IQCM: variants seen among roughly 807,000 people sequenced by gnomAD.
IQCM encodes the protein IQ domain-containing protein M.
Under a neutral mutation model 57.6 loss-of-function variants are expected in IQCM, and 45 were observed. The observed-to-expected ratio is 0.78, with a 90% CI of 0.62 to 1.00. The LOEUF (loss-of-function observed/expected upper bound fraction) is 1.00. Among genes scored for constraint, IQCM ranks in the 50% least tolerant of loss-of-function variants. IQCM has a pLI of 0.00. For synonymous variants in IQCM, 148 were observed against 158.9 expected (o/e 0.93, Z 0.51); for missense variants, 468 against 511.6 (o/e 0.91, Z 0.82).
chr4:149,588,583 G>A (rs1752852423), intron 8 of IQCM, among the ~76,000 whole-genome samples: 1 of 151,714 alleles, frequency 6.6e-6, no homozygotes, highest in Non-Finnish European at 1.5e-5. Flanking sequence ...CAAAAGGGCG[G>A]GGCCTAATTC....
intron 7 of IQCM, among the ~76,000 whole-genome samples, chr4:149,680,504 G>A (rs1762102595): frequency 1.3e-5 from 2 of 151,070 alleles, no homozygotes; most frequent in Admixed American, 6.6e-5. Context: ...TGCAGAGACA[G>A]GTGCACAGAT....
At chr4:149,561,772 G>T (rs575417426) in intron 10 of IQCM, among the ~76,000 whole-genome samples, 1 of 152,044 alleles carries the variant, frequency 6.6e-6, no homozygotes, top group African/African-American at 2.4e-5. Flanking sequence ...TAAAGAGTAC[G>T]TACTTCCAAA....
chr4:149,804,592 A>T (rs1773905033), intron 2 of IQCM, among the ~76,000 whole-genome samples: 1 of 152,098 alleles, frequency 6.6e-6, no homozygotes, highest in Non-Finnish European at 1.5e-5. Context: ...CCAAGCTGAC[A>T]TGTCAGACCA....
chr4:149,645,775 C>T (rs1758581383), intron 7 of IQCM, among the ~76,000 whole-genome samples: 2 of 152,026 alleles, frequency 1.3e-5, no homozygotes, highest in African/African-American at 4.8e-5. Context: ...GCAGTAAAGA[C>T]ATCACACTCC....
chr4:149,479,899 T>C (rs1180525820), intron 12 of IQCM, among the ~76,000 whole-genome samples: 2 of 152,200 alleles, frequency 1.3e-5, no homozygotes, highest in Admixed American at 1.3e-4. Flanking sequence ...TAATGTGTCA[T>C]ATGCCCAGAC....
intron 13 of IQCM, among the ~76,000 whole-genome samples, chr4:149,431,635 T>C (rs1280182575): frequency 2.6e-5 from 4 of 151,994 alleles, no homozygotes. Context: ...TGCCTCTTTG[T>C]AGTAAAACAC....
chr4:149,487,511 C>T (rs1286347258), intron 12 of IQCM, among the ~76,000 whole-genome samples: 1 of 152,090 alleles, frequency 6.6e-6, no homozygotes, highest in Non-Finnish European at 1.5e-5. Flanking sequence ...TTTAGGAATT[C>T]CAGTCCTTGT....
At chr4:149,560,524 T>C (rs1267226382) in intron 10 of IQCM, among the ~76,000 whole-genome samples, 1 of 152,200 alleles carries the variant, frequency 6.6e-6, no homozygotes, top group East Asian at 1.9e-4. Context: ...TACCCTGTTT[T>C]GTGTCTTTAT....
chr4:149,358,935 G>T (rs1340907606), intron 13 of IQCM, among the ~76,000 whole-genome samples: 1 of 87,106 alleles, frequency 1.1e-5, no homozygotes, highest in African/African-American at 4.4e-5. Context: ...AAGAGAGAGA[G>T]ACACGGGTTG....
chr4:149,796,885 G>T (rs78024229), intron 2 of IQCM, among the ~76,000 whole-genome samples: 1 of 152,180 alleles, frequency 6.6e-6, no homozygotes, highest in African/African-American at 2.4e-5. Context: ...AGCAAATACA[G>T]CTTAGATCAC....
At chr4:149,727,279 C>G (rs978795855) in intron 5 of IQCM, among the ~76,000 whole-genome samples, 8 of 152,208 alleles carry the variant, frequency 5.3e-5, no homozygotes, top group African/African-American at 1.9e-4. Flanking sequence ...ATATCCATAT[C>G]CCAATTCTTG....
chr4:149,747,107 G>C (rs973390629), intron 2 of IQCM, among the ~76,000 whole-genome samples: 3 of 152,110 alleles, frequency 2.0e-5, no homozygotes, highest in African/African-American at 7.2e-5. Context: ...ACTGACTTCT[G>C]TCAAGTCTCC....
intron 12 of IQCM, among the ~76,000 whole-genome samples, chr4:149,473,504 G>T (rs1441686401): frequency 1.3e-5 from 2 of 152,214 alleles, no homozygotes; most frequent in Non-Finnish European, 2.9e-5. Flanking sequence ...TGGAGACATA[G>T]GAACAGTTTT....
intron 7 of IQCM, among the ~76,000 whole-genome samples, chr4:149,641,374 C>T (rs909273509): frequency 6.6e-6 from 1 of 151,910 alleles, no homozygotes; most frequent in African/African-American, 2.4e-5. Flanking sequence ...TTCAGAAACA[C>T]TGAAAATGAA....
At chr4:149,403,000 C>T (rs1732725098) in intron 13 of IQCM, among the ~76,000 whole-genome samples, 1 of 151,916 alleles carries the variant, frequency 6.6e-6, no homozygotes, top group African/African-American at 2.4e-5. Flanking sequence ...AGAAGATGTA[C>T]TGGCTTTATA....
intron 10 of IQCM, among the ~76,000 whole-genome samples, chr4:149,560,433 G>T (rs1392990145): frequency 6.6e-6 from 1 of 151,828 alleles, no homozygotes; most frequent in Non-Finnish European, 1.5e-5. Flanking sequence ...TTTAATTTAG[G>T]ATTAAAACTT....
chr4:149,758,809 G>C (rs537543779), intron 2 of IQCM, among the ~76,000 whole-genome samples: 5 of 152,310 alleles, frequency 3.3e-5, no homozygotes, highest in Non-Finnish European at 7.3e-5. Flanking sequence ...CACATCAAAT[G>C]CTGACAAGAG....
chr4:149,416,604 G>A (rs971494333), intron 13 of IQCM, among the ~76,000 whole-genome samples: 1 of 152,048 alleles, frequency 6.6e-6, no homozygotes, highest in Admixed American at 6.6e-5. Context: ...GAAACCATAT[G>A]GCTAGCAGTG....
At chr4:149,621,428 G>A (rs1304445576) in intron 7 of IQCM, among the ~76,000 whole-genome samples, 184 bp from the exon 8 acceptor site, 1 of 152,158 alleles carries the variant, frequency 6.6e-6, no homozygotes, top group Non-Finnish European at 1.5e-5. Context: ...CATAGAGAGA[G>A]GCTTCAATTA....
Sources: gnomAD v4.1 joint callset for allele counts (sites outside exome capture counted in the v4.1 genomes callset) on GRCh38, gnomAD v4.1.1 for gene constraint, MANE v1.5 for transcripts, NCBI Gene and HGNC (gene_info 2026-07-23, HGNC 2026-07-21) for gene names.